The following SLC1A2 variants were observed in gnomAD, a reference collection of about 807,000 sequenced individuals.
SLC1A2 encodes the protein excitatory amino acid transporter 2.
Under a neutral mutation model 48.8 loss-of-function variants are expected in SLC1A2, and 15 were observed. The observed-to-expected ratio is 0.31, with a 90% CI of 0.21 to 0.47. The LOEUF is 0.47. Ranked by LOEUF, SLC1A2 falls within the 20% of genes least tolerant of loss-of-function variation. The pLI is 0.99. For missense variants in SLC1A2, 502 were observed against 730.5 expected, an observed-to-expected ratio of 0.69 and a Z score of 3.61; for synonymous variants, 279 against 272.6, an observed-to-expected ratio of 1.02 and a Z score of -0.23.
rs191289130 is a variant in SLC1A2, at chr11:35,266,696, C to A, written c.1422-938G>T. Reference sequence around the variant, plus strand: ...CTTAAAAGGAAGGATGCTGGAAAACCACAAAAAAAAGTTAAAAAAATTAAA... The same window carrying A: ...CTTAAAAGGAAGGATGCTGGAAAACAACAAAAAAAAGTTAAAAAAATTAAA... On this transcript the variant is annotated intron_variant, in intron 9 of 10. Transcript: ENST00000278379. 3.0e-3 allele frequency among the ~76,000 whole-genome samples: 385 copies of A among 129,862 alleles called. 5 individuals are homozygous for A. The highest frequency in any genetic ancestry group is 9.8e-3 in the African/African-American group (374 of 38,174). The allele number at this position is 129,862 out of a possible 152,430, so 85.2% of individuals were successfully genotyped here.
intron 1 of SLC1A2, among the ~76,000 whole-genome samples, chr11:35,337,678 G>T (rs1231141553): frequency 6.6e-6 from 1 of 152,108 alleles, no homozygotes; most frequent in Non-Finnish European, 1.5e-5. Context: ...GGTTGCAGAA[G>T]AAACAGCTGC....
At chr11:35,383,445 A>G (rs1421258358) in intron 1 of SLC1A2, among the ~76,000 whole-genome samples, 1 of 152,178 alleles carries the variant, frequency 6.6e-6, no homozygotes, top group Non-Finnish European at 1.5e-5. Flanking sequence ...AGAGAAAAGG[A>G]GAGTACAAGC....
intron 1 of SLC1A2, among the ~76,000 whole-genome samples, chr11:35,348,103 C>A (rs957952290): frequency 2.8e-4 from 42 of 152,220 alleles, no homozygotes; most frequent in African/African-American, 9.9e-4. Context: ...CAGACACTAT[C>A]CCCTCATTGC....
At chr11:35,298,284 G>A (rs947658753) in intron 6 of SLC1A2, 14 of 152,088 alleles carry the variant, frequency 9.2e-5, no homozygotes, top group African/African-American at 2.2e-4. Context: ...TACTGTAACC[G>A]AAATAGTACT....
intron 1 of SLC1A2, chr11:35,322,500 C>T (rs1220948790): frequency 4.8e-6 from 5 of 1,032,906 alleles, no homozygotes; most frequent in Non-Finnish European, 1.4e-6. Flanking sequence ...CCCCAGGGAG[C>T]CTAAAAGCAA....
chr11:35,377,787 A>T (rs371047161), intron 1 of SLC1A2, among the ~76,000 whole-genome samples: 66 of 152,248 alleles, frequency 4.3e-4, no homozygotes, highest in African/African-American at 1.4e-3. Flanking sequence ...TCAAATCCAG[A>T]TAATTCAGAC....
At chr11:35,417,899 T>G (rs1590299097) in intron 1 of SLC1A2, among the ~76,000 whole-genome samples, 1 of 152,190 alleles carries the variant, frequency 6.6e-6, no homozygotes, top group Admixed American at 6.5e-5. Context: ...GTTGGTAAAA[T>G]TTCTTAGGAG....
chr11:35,355,117 T>C (rs1293772785), intron 1 of SLC1A2, among the ~76,000 whole-genome samples: 2 of 152,228 alleles, frequency 1.3e-5, no homozygotes, highest in South Asian at 2.1e-4. Context: ...TAGAGCATGA[T>C]GTAAAAATTT....
chr11:35,311,500 T>C (rs963700460), intron 4 of SLC1A2, among the ~76,000 whole-genome samples: 6 of 152,176 alleles, frequency 3.9e-5, no homozygotes, highest in Non-Finnish European at 8.8e-5. Flanking sequence ...CTTGCATAAG[T>C]GGCAAAAGAA....
intron 1 of SLC1A2, chr11:35,322,411 C>T (rs538919988): frequency 5.0e-6 from 3 of 605,626 alleles, no homozygotes; most frequent in Non-Finnish European, 8.8e-6. Context: ...TTTCCTGCTG[C>T]ACACTTCAGT....
At chr11:35,323,695 C>T (rs1852149268) in intron 1 of SLC1A2, among the ~76,000 whole-genome samples, 1 of 152,172 alleles carries the variant, frequency 6.6e-6, no homozygotes, top group South Asian at 2.1e-4. Flanking sequence ...AGTAGCTATA[C>T]CACAACCCTC....
chr11:35,271,224 G>A (rs1311432809), intron 9 of SLC1A2, among the ~76,000 whole-genome samples: 3 of 152,232 alleles, frequency 2.0e-5, no homozygotes, highest in South Asian at 2.1e-4. Context: ...GTTTGGACAC[G>A]TTGAGGGTGA....
chr11:35,303,940 C>T (rs774044856), intron 5 of SLC1A2, among the ~76,000 whole-genome samples: 1 of 152,172 alleles, frequency 6.6e-6, no homozygotes, highest in Non-Finnish European at 1.5e-5. Context: ...TATCTCCACC[C>T]TCAGAAGACC....
chr11:35,329,746 T>A (rs1852367626), intron 1 of SLC1A2, among the ~76,000 whole-genome samples: 1 of 152,178 alleles, frequency 6.6e-6, no homozygotes. Context: ...ACTTCTACTC[T>A]AACCATCCCG....
chr11:35,326,672 C>A lies in SLC1A2; in HGVS notation c.18-9156G>T, dbSNP rs1220825420. On this transcript the variant is annotated intron_variant, in intron 1 of 10. Transcript: ENST00000278379. ...CAAGAAGGCAAGTCACTACCATGAC[C>A]TTGCAAATTGCAAGATTTACCATGG... Among the ~76,000 whole-genome samples the A allele has an allele frequency of 4.6e-5, 7 of 152,322 alleles. 1 individual carries two copies. The South Asian group carries it at 1.2e-3, about 27-fold the overall frequency.
rs926764378 is a variant in SLC1A2, at chr11:35,260,012, C to T, written c.*882G>A. The T allele has an allele frequency of 1.3e-5, 2 of 152,172 alleles. No homozygotes were observed. The highest frequency in any genetic ancestry group is 6.5e-5 in the Admixed American group (1 of 15,288). 9.4% of individuals were successfully genotyped at this position (152,172 alleles called of 1,614,324 possible). ...ATCTTTTGGGTTAAACAAAGCAAAA[C>T]ACATACCAAATAATCTCATTTGATT... On this transcript the variant is annotated 3_prime_UTR_variant, in exon 11 of 11. Coordinates refer to ENST00000278379, the MANE Select transcript of SLC1A2 (RefSeq NM_004171.4).
intron 1 of SLC1A2, among the ~76,000 whole-genome samples, chr11:35,324,486 T>C (rs1852175957): frequency 6.6e-6 from 1 of 152,230 alleles, no homozygotes; most frequent in African/African-American, 2.4e-5. Flanking sequence ...AAAGCACTGA[T>C]ATAGTATCTG....
At chr11:35,354,095 T>C (rs975138661) in intron 1 of SLC1A2, among the ~76,000 whole-genome samples, 2 of 152,070 alleles carry the variant, frequency 1.3e-5, no homozygotes, top group African/African-American at 2.4e-5. Flanking sequence ...AACACAAATC[T>C]ATTACCAAAT....
At chr11:35,418,860 C>T (rs1855692330) in intron 1 of SLC1A2, 90 bp downstream of exon 1, 2 of 1,248,934 alleles carry the variant, frequency 1.6e-6, no homozygotes, top group Non-Finnish European at 2.3e-6. Context: ...GGCCCGCCGC[C>T]GCCGCCTCTC....
Sources: allele counts gnomAD v4.1 joint callset (sites outside exome capture counted in the v4.1 genomes callset), GRCh38; gene constraint gnomAD v4.1.1; transcripts MANE v1.5; gene names NCBI Gene and HGNC (gene_info 2026-07-23, HGNC 2026-07-21).